PCDH15: variants seen among roughly 807,000 people sequenced by gnomAD.
PCDH15 encodes the protein protocadherin related 15.
A neutral mutation model predicts 178.5 loss-of-function variants in PCDH15; 129 were observed. The ratio of observed to expected loss-of-function variants is 0.72; its 90% CI spans 0.63 to 0.84. The LOEUF is 0.84. Ranked by LOEUF, PCDH15 falls within the 40% of genes least tolerant of loss-of-function variation. The pLI, the probability that PCDH15 is intolerant of heterozygous loss-of-function variation, is 0.00. For synonymous variants in PCDH15, 800 were observed against 732.0 expected, an observed-to-expected ratio of 1.09 and a Z score of -1.50; for missense variants, 2,230 against 2,099.9, an observed-to-expected ratio of 1.06 and a Z score of -1.21.
At chr10:55,260,938 A>C (rs1039501908) in intron 1 of PCDH15, among the ~76,000 whole-genome samples, 1 of 152,322 alleles carries the variant, frequency 6.6e-6, no homozygotes, top group African/African-American at 2.4e-5. Flanking sequence ...TGTCTTGTAT[A>C]ATGAACAGAT....
At chr10:53,839,463 T>C (rs2077510003) in intron 29 of PCDH15, among the ~76,000 whole-genome samples, 1 of 152,060 alleles carries the variant, frequency 6.6e-6, no homozygotes, top group South Asian at 2.1e-4. Context: ...GATATGTTTA[T>C]ATGCTGTTTA....
Position 55,493,059 on chromosome 10 carries a change from C to T in PCDH15, c.-156+134566G>A, listed in dbSNP as rs185682895. 1.8e-3 allele frequency among the ~76,000 whole-genome samples: 275 copies of T among 151,630 alleles called. 3 individuals carry two copies. The highest frequency in any genetic ancestry group is 2.9e-3 in the Non-Finnish European group (198 of 67,770). On this transcript the variant is annotated intron_variant, in intron 2 of 5. Coordinates refer to the PCDH15 transcript ENST00000613346. ...AAATAAACAGAGCTTCAGAGAAATGCGGTATACCAGTAAGTGTTGCAACAT... is the reference window on the plus strand; with the variant it reads ...AAATAAACAGAGCTTCAGAGAAATGTGGTATACCAGTAAGTGTTGCAACAT...
rs1304074609 is a variant in PCDH15, at chr10:54,488,299, A to G, written c.157+39513T>C. On this transcript the variant is annotated intron_variant, in intron 3 of 37. Transcript: ENST00000644397. Reference sequence around the variant, plus strand: ...AAACCCAAATTAATTGGATACTTGGATTATTTTTAACTAAAGTAGAATATT... The same window carrying G: ...AAACCCAAATTAATTGGATACTTGGGTTATTTTTAACTAAAGTAGAATATT... Among the ~76,000 whole-genome samples, 5 of 151,870 alleles carry G rather than the reference A, an allele frequency of 3.3e-5. No individual in the cohort carries two copies. The East Asian group carries it at 9.6e-4, about 29-fold the overall frequency.
chr10:54,865,815 A>G (rs1953929297), intron 3 of PCDH15, among the ~76,000 whole-genome samples: 1 of 152,202 alleles, frequency 6.6e-6, no homozygotes, highest in African/African-American at 2.4e-5. Flanking sequence ...CTAATGATGT[A>G]ATGTTTGGAG....
chr10:55,191,216 A>AT, intron 1 of PCDH15, among the ~76,000 whole-genome samples: 1 of 146,970 alleles, frequency 6.8e-6, no homozygotes, highest in Non-Finnish European at 1.5e-5. Flanking sequence ...ATTTTTTTTT[A>AT]TTTTTGTGAC....
chr10:55,164,131 A>C (rs1452030275), intron 2 of PCDH15, among the ~76,000 whole-genome samples: 1 of 152,048 alleles, frequency 6.6e-6, no homozygotes, highest in Non-Finnish European at 1.5e-5. Flanking sequence ...AGTCAGACCC[A>C]AGTTTGAGTC....
At chr10:55,291,304 T>C (rs939390668) in intron 1 of PCDH15, among the ~76,000 whole-genome samples, 13 of 152,212 alleles carry the variant, frequency 8.5e-5, no homozygotes, top group African/African-American at 3.1e-4. Context: ...ATTTCATCTC[T>C]GGTTTCTCTG....
chr10:55,616,072 C>T (rs1439351628), intron 2 of PCDH15, among the ~76,000 whole-genome samples: 1 of 152,166 alleles, frequency 6.6e-6, no homozygotes, highest in South Asian at 2.1e-4. Flanking sequence ...AGTGGGACAA[C>T]AGTTTCTTTC....
intron 3 of PCDH15, among the ~76,000 whole-genome samples, chr10:54,876,769 G>A (rs961542534): frequency 6.6e-6 from 1 of 152,172 alleles, no homozygotes; most frequent in African/African-American, 2.4e-5. Context: ...AAAGAAAGTA[G>A]TTTCCTGAGA....
intron 18 of PCDH15, among the ~76,000 whole-genome samples, chr10:54,026,229 T>A (rs1210799824): frequency 6.6e-6 from 1 of 152,020 alleles, no homozygotes; most frequent in Non-Finnish European, 1.5e-5. Context: ...CCCCCAGGCC[T>A]GGCTAATTTT....
chr10:54,509,899 G>A (rs562162377), intron 3 of PCDH15, among the ~76,000 whole-genome samples: 6 of 152,084 alleles, frequency 3.9e-5, no homozygotes, highest in African/African-American at 9.7e-5. Flanking sequence ...ATATGTCTTC[G>A]AAACTTTCTT....
intron 18 of PCDH15, among the ~76,000 whole-genome samples, chr10:54,053,021 C>G (rs2093811614): frequency 6.6e-6 from 1 of 152,154 alleles, no homozygotes; most frequent in Non-Finnish European, 1.5e-5. Flanking sequence ...GCCTTCCAAA[C>G]TATGTGGAAC....
intron 2 of PCDH15, among the ~76,000 whole-genome samples, chr10:55,515,219 C>G (rs1390203532): frequency 6.6e-6 from 1 of 151,894 alleles, no homozygotes; most frequent in Non-Finnish European, 1.5e-5. Flanking sequence ...AAACTCCTGA[C>G]CTCAAGTGAT....
intron 8 of PCDH15, among the ~76,000 whole-genome samples, chr10:54,266,012 G>A (rs73239211): frequency 0.022 from 3,389 of 151,624 alleles, 140 homozygotes; most frequent in African/African-American, 0.077. Flanking sequence ...TACTCTAAGA[G>A]TGATCACATA....
In PCDH15 at chr10:55,130,363, G is replaced by T. The variant is rs561030600; in HGVS notation, c.-80+36213C>A. Among the ~76,000 whole-genome samples, 6 of 152,204 alleles carry T rather than the reference G, an allele frequency of 3.9e-5. No homozygotes were observed. The East Asian group carries it at 1.2e-3, about 29-fold the overall frequency. ...ATACAAAAGCTGCAACACAAAGTTT[G>T]CTAGGAATATTTGAGAAAGGAAAAG... On this transcript the variant is annotated intron_variant, in intron 2 of 5. Coordinates refer to the PCDH15 transcript ENST00000458638.
intron 5 of PCDH15, among the ~76,000 whole-genome samples, chr10:54,346,880 C>G: frequency 6.6e-6 from 1 of 152,210 alleles, no homozygotes; most frequent in Middle Eastern, 3.4e-3. Context: ...AAACGATTTA[C>G]GAGTGAGCAA....
At chr10:54,406,487 C>T (rs1260945145) in intron 3 of PCDH15, among the ~76,000 whole-genome samples, 1 of 152,026 alleles carries the variant, frequency 6.6e-6, no homozygotes, top group African/African-American at 2.4e-5. Flanking sequence ...TCCTCTTCTG[C>T]CTCTTTTTCT....
chr10:54,484,133 G>A (rs1242868086), intron 3 of PCDH15, among the ~76,000 whole-genome samples: 4 of 151,916 alleles, frequency 2.6e-5, no homozygotes, highest in African/African-American at 9.7e-5. Context: ...AACCCAACGA[G>A]TGATGCCAGC....
At chr10:54,873,132 CAA>C (rs1954069641) in intron 3 of PCDH15, among the ~76,000 whole-genome samples, 1 of 152,088 alleles carries the variant, frequency 6.6e-6, no homozygotes, top group South Asian at 2.1e-4. Context: ...ATAAGTGCTG[CAA>C]ACTCTGAAAT....
Sources: gnomAD v4.1 joint callset for allele counts (sites outside exome capture counted in the v4.1 genomes callset) on GRCh38, gnomAD v4.1.1 for gene constraint, MANE v1.5 for transcripts, NCBI Gene and HGNC (gene_info 2026-07-23, HGNC 2026-07-21) for gene names.